The following KIF14 variants were observed in gnomAD, a reference collection of about 807,000 sequenced individuals.
KIF14 encodes kinesin family member 14.
KIF14 carries 98 observed loss-of-function variants against 176.2 expected under a neutral mutation model. The observed-to-expected ratio is 0.56, with a 90% CI of 0.47 to 0.66. The LOEUF (loss-of-function observed/expected upper bound fraction) is 0.66. Among genes scored for constraint, KIF14 ranks in the 30% least tolerant of loss-of-function variants. The pLI is 0.00. For missense variants in KIF14, 1,751 were observed against 1,920.4 expected (o/e 0.91, Z 1.65); for synonymous variants, 566 against 632.2 (o/e 0.90, Z 1.57).
Position 200,575,689 on chromosome 1 carries a change from A to G in KIF14, c.3468T>C (p.Ser1156=). The G allele has an allele frequency of 6.6e-7, 1 of 1,508,608 alleles. No homozygotes were observed. Among genetic ancestry groups the G allele is most frequent in the Non-Finnish European group, 9.0e-7 (1 of 1,114,310 alleles). The allele number at this position is 1,508,608 out of a possible 1,614,324, so 93.5% of individuals were successfully genotyped here. A position where few individuals can be genotyped will look rare whatever the true frequency, so the allele number is the denominator to read the frequency against. Residue 1156 remains serine (S), a splice_region_variant and synonymous_variant, in exon 22 of 30, where the codon AGT becomes AGC. Coordinates refer to ENST00000367350, the MANE Select transcript of KIF14 (RefSeq NM_014875.3). The stretch of plus-strand genomic sequence containing the variant: ...CATCTTCACCCCTGTTACTACCATT[A>G]CTCTAAGAAAAATATAATATATAGT... ...KLAAMKELYE[S]NGSNRGEDAF...
intron 25 of KIF14, among the ~76,000 whole-genome samples, chr1:200,562,213 C>T (rs1352086184): frequency 6.6e-6 from 1 of 152,224 alleles, no homozygotes; most frequent in Non-Finnish European, 1.5e-5. Context: ...AATCTAACTT[C>T]CCCTCCAAGT....
rs1343992663 is a variant in KIF14, at chr1:200,551,982, T to C, written c.*1406A>G. 2 of 152,216 alleles carry C rather than the reference T, an allele frequency of 1.3e-5. No individual in the cohort carries two copies. Among genetic ancestry groups the C allele is most frequent in the Non-Finnish European group, 2.9e-5 (2 of 68,028 alleles). 9.4% of individuals were successfully genotyped at this position (152,216 alleles called of 1,614,324 possible). On this transcript the variant is annotated 3_prime_UTR_variant, in exon 30 of 30. Coordinates refer to ENST00000367350, the MANE Select transcript of KIF14 (RefSeq NM_014875.3). ...GAAAACACCACACAAGGTTCACTAA[T>C]ACTGTTCTGACTGCAATGACTGTAT...
rs1252125972 is a variant in KIF14, at chr1:200,618,198, C to T, written c.526G>A (p.Ala176Thr). 5.0e-6 allele frequency: 8 copies of T among 1,613,908 alleles called. No homozygotes were observed. The highest frequency in any genetic ancestry group is 6.8e-6 in the Non-Finnish European group (8 of 1,179,936). ...TCTTCATCTAAAGGTACAGAAGAGG[C>T]AACAAAAGAGTTTTTAGCATTATTT... ...IVNNAKNSFV[A>T]SSVPLDEDPQ... is the part of the protein sequence containing the mutation. The change falls in exon 2 of 30, where the codon GCC (alanine) becomes ACC (threonine). Residue 176 changes from alanine (A) to threonine (T), a missense_variant. Physicochemically the swap from Ala to Thr is moderately conservative, Grantham distance 58. Coordinates refer to ENST00000367350, the MANE Select transcript of KIF14 (RefSeq NM_014875.3).
intron 28 of KIF14, 121 bp downstream of exon 28, chr1:200,555,259 G>A (rs1446886082): frequency 3.5e-5 from 22 of 628,664 alleles, no homozygotes; most frequent in Non-Finnish European, 5.8e-5. Context: ...GCTACAATTA[G>A]ACATATACAA....
chr1:200,588,227 TTTTG>T (rs149834881), intron 18 of KIF14, among the ~76,000 whole-genome samples: 23 of 147,226 alleles, frequency 1.6e-4, no homozygotes, highest in East Asian at 4.0e-4. Context: ...AAAATTTGCT[TTTTG>T]TTTGTTTGTT....
chr1:200,573,761 G>A (rs924228233), intron 22 of KIF14, among the ~76,000 whole-genome samples: 6 of 152,132 alleles, frequency 3.9e-5, no homozygotes, highest in African/African-American at 4.8e-5. Flanking sequence ...TCTCTTTGAG[G>A]AAAATCATAA....
intron 19 of KIF14, among the ~76,000 whole-genome samples, chr1:200,582,428 C>T (rs1156835380): frequency 6.6e-6 from 1 of 151,962 alleles, no homozygotes; most frequent in Non-Finnish European, 1.5e-5. Flanking sequence ...AACTTATAAC[C>T]AGTAATCTAC....
At chr1:200,615,208 G>T in intron 3 of KIF14, 147 bp downstream of exon 3, 1 of 803,250 alleles carries the variant, frequency 1.2e-6, no homozygotes, top group Non-Finnish European at 2.0e-6. Context: ...AATTGCCCAA[G>T]TTTGCAGAAC....
chr1:200,571,207 C>T (rs115831238), intron 22 of KIF14, among the ~76,000 whole-genome samples: 3,579 of 150,462 alleles, frequency 0.024, 49 homozygotes, highest in Non-Finnish European at 0.035. Flanking sequence ...CCCAGCTACT[C>T]GGGAGGCTGA....
chr1:200,578,633 G>C (rs1342030284), intron 21 of KIF14, among the ~76,000 whole-genome samples: 1 of 150,214 alleles, frequency 6.7e-6, no homozygotes, highest in Non-Finnish European at 1.5e-5. Flanking sequence ...AAGATCTCTG[G>C]AATAATAGAT....
intron 28 of KIF14, among the ~76,000 whole-genome samples, chr1:200,554,828 T>G (rs958813069): frequency 2.6e-5 from 4 of 152,198 alleles, no homozygotes; most frequent in Admixed American, 6.5e-5. Flanking sequence ...AAGTCTGTCA[T>G]CCTATTACAT....
chr1:200,584,841 C>T (rs1658650895), intron 19 of KIF14, among the ~76,000 whole-genome samples: 1 of 152,076 alleles, frequency 6.6e-6, no homozygotes, highest in Non-Finnish European at 1.5e-5. Flanking sequence ...TACTGGAAGT[C>T]CTAACAAAAC....
chr1:200,586,985 G>C (rs542838201), intron 18 of KIF14, among the ~76,000 whole-genome samples: 3 of 152,270 alleles, frequency 2.0e-5, no homozygotes, highest in South Asian at 4.1e-4. Flanking sequence ...AAAGCATATA[G>C]AGTGGTATAA....
rs115925289 is a variant in KIF14 at position 200,580,193 on chromosome 1, C to T, written c.3465+61G>A. 910 of 901,968 alleles carry T rather than the reference C, an allele frequency of 1.0e-3. 12 individuals are homozygous for T. In the African/African-American group the frequency reaches 0.014, roughly 14 times the overall value. 55.9% of individuals were successfully genotyped at this position (901,968 alleles called of 1,614,324 possible). A position where few individuals can be genotyped will look rare whatever the true frequency, so the allele number is the denominator to read the frequency against. ...ATACTTTTTTCACCAAAAGCAGGTA[C>T]TTGAACTTTTATACTTTTTTATTTT... On this transcript the variant is annotated intron_variant, in intron 21 of 29. Coordinates refer to ENST00000367350, the MANE Select transcript of KIF14 (RefSeq NM_014875.3).
intron 19 of KIF14, among the ~76,000 whole-genome samples, chr1:200,584,293 T>C (rs938626012): frequency 2.6e-5 from 4 of 151,288 alleles, no homozygotes; most frequent in Admixed American, 2.6e-4. Flanking sequence ...GAAGAATTAA[T>C]GCTAACCCTT....
At chr1:200,595,932 C>CAAA (rs35375679) in intron 14 of KIF14, among the ~76,000 whole-genome samples, 5 of 52,236 alleles carry the variant, frequency 9.6e-5, no homozygotes, top group African/African-American at 1.4e-4. Flanking sequence ...ACTCCATCTC[C>CAAA]AAAAAAAAAA....
intron 27 of KIF14, 142 bp from the exon 28 acceptor site, chr1:200,555,596 T>C (rs950267433): frequency 2.3e-6 from 1 of 437,472 alleles, no homozygotes; most frequent in African/African-American, 2.1e-5. Flanking sequence ...TGCAATTAAA[T>C]AGCTTGAGAG....
rs754449285 is a variant in KIF14, at chr1:200,615,474, G to A, written c.1248C>T (p.His416=). 1 of 1,614,124 alleles carries A rather than the reference G, an allele frequency of 6.2e-7. No homozygotes were observed. Among genetic ancestry groups the A allele is most frequent in the Non-Finnish European group, 8.5e-7 (1 of 1,179,994 alleles). ...CATAGACAGTTGTCTGGCTAGCGTAGTGAGGATGACATTCATCAAAAGACC... is the reference window on the plus strand; with the variant it reads ...CATAGACAGTTGTCTGGCTAGCGTAATGAGGATGACATTCATCAAAAGACC... ...SFWSFDECHP[H]YASQTTVYEK... Residue 416 remains histidine (H), a synonymous_variant, in exon 3 of 30, where the codon CAC becomes CAT. Transcript: ENST00000367350.
At chr1:200,586,041 T>C (rs1658719970) in intron 19 of KIF14, 60 bp downstream of exon 19, 14 of 1,186,432 alleles carry the variant, frequency 1.2e-5, no homozygotes, top group Non-Finnish European at 1.6e-5. Flanking sequence ...TTTTAGTAAT[T>C]ATATTACATA....
Sources: gnomAD v4.1 joint callset for allele counts (sites outside exome capture counted in the v4.1 genomes callset) on GRCh38, gnomAD v4.1.1 for gene constraint, MANE v1.5 for transcripts, NCBI Gene and HGNC (gene_info 2026-07-23, HGNC 2026-07-21) for gene names.